Variants in MAPRE2 observed in about 807,000 individuals in gnomAD.
The protein encoded by MAPRE2 is microtubule associated protein RP/EB family member 2, also known as microtubule-associated protein RP/EB family member 2.
MAPRE2 carries 13 observed loss-of-function variants against 43.2 expected under a neutral mutation model. The ratio of observed to expected loss-of-function variants is 0.30; its 90% CI spans 0.20 to 0.48. MAPRE2 has a LOEUF of 0.48. Among genes scored for constraint, MAPRE2 ranks in the 20% least tolerant of loss-of-function variants. MAPRE2 has a pLI of 0.99. For missense variants in MAPRE2, 161 were observed against 400.2 expected, an observed-to-expected ratio of 0.40 and a Z score of 5.10; for synonymous variants, 135 against 148.8, an observed-to-expected ratio of 0.91 and a Z score of 0.68.
intron 4 of MAPRE2, among the ~76,000 whole-genome samples, chr18:35,122,157 CA>C (rs1451771860): frequency 6.6e-6 from 1 of 152,102 alleles, no homozygotes; most frequent in Non-Finnish European, 1.5e-5. Flanking sequence ...ATAATGAGGA[CA>C]AAAGGTTTCA....
chr18:35,090,837 A>G (rs1908113193), intron 2 of MAPRE2, among the ~76,000 whole-genome samples: 1 of 152,198 alleles, frequency 6.6e-6, no homozygotes, highest in East Asian at 1.9e-4. Flanking sequence ...CAATTTTAAA[A>G]AACTGTTAGA....
chr18:35,127,827 A>G (rs984625849), intron 5 of MAPRE2, among the ~76,000 whole-genome samples: 2 of 152,208 alleles, frequency 1.3e-5, no homozygotes, highest in Non-Finnish European at 2.9e-5. Context: ...GGTAAAATCT[A>G]ACTAGCTCCA....
chr18:35,139,925 C>T (rs576703921), intron 6 of MAPRE2, among the ~76,000 whole-genome samples: 1 of 152,342 alleles, frequency 6.6e-6, no homozygotes, highest in East Asian at 1.9e-4. Context: ...TATATTACAG[C>T]AGCTTTACTC....
intron 2 of MAPRE2, among the ~76,000 whole-genome samples, chr18:35,085,452 G>A (rs1048269179): frequency 6.6e-6 from 1 of 152,168 alleles, no homozygotes; most frequent in African/African-American, 2.4e-5. Context: ...TAGAAAATAT[G>A]GCTATGTTAC....
At chr18:35,023,951 A>C (rs1165738851) in intron 2 of MAPRE2, among the ~76,000 whole-genome samples, 2 of 152,232 alleles carry the variant, frequency 1.3e-5, no homozygotes, top group East Asian at 3.8e-4. Flanking sequence ...ATGTACCGTA[A>C]TAAGAATATG....
intron 2 of MAPRE2, among the ~76,000 whole-genome samples, chr18:35,009,614 A>G (rs2097033454): frequency 6.6e-6 from 1 of 152,190 alleles, no homozygotes; most frequent in Non-Finnish European, 1.5e-5. Context: ...GTACTGACCA[A>G]CATTCCAATT....
At chr18:35,098,320 AG>A (rs1908519229) in intron 3 of MAPRE2, among the ~76,000 whole-genome samples, 1 of 152,216 alleles carries the variant, frequency 6.6e-6, no homozygotes, top group African/African-American at 2.4e-5. Flanking sequence ...ATTTTGAATA[AG>A]GGAAAAGAGA....
At position 35,102,104 on chromosome 18, in the gene MAPRE2, T is replaced by C. The variant is rs111906099; in HGVS notation, c.555T>C (p.Gly185=). ...ATGCAATTCCTCCTCCTGACCCTGGTGAACAGATCTTCAACCTGCCAAAAA... is the reference window on the plus strand; with the variant it reads ...ATGCAATTCCTCCTCCTGACCCTGGCGAACAGATCTTCAACCTGCCAAAAA... ...GQDAIPPPDP[G]EQIFNLPKKS... Residue 185 remains glycine (G), a synonymous_variant, in exon 4 of 7, where the codon GGT becomes GGC. Coordinates refer to ENST00000300249, the MANE Select transcript of MAPRE2 (RefSeq NM_014268.4). The C allele has an allele frequency of 3.2e-4, 513 of 1,612,388 alleles. 3 individuals are homozygous for C. Among genetic ancestry groups the C allele is most frequent in the African/African-American group, 2.3e-3 (169 of 74,910 alleles).
intron 1 of MAPRE2, 21 bp downstream of exon 1, chr18:35,041,682 G>T (rs371956869): frequency 6.2e-7 from 1 of 1,614,012 alleles, no homozygotes. Flanking sequence ...TGGCACGAGA[G>T]CAGCGCCGGG....
chr18:35,031,327 C>T (rs772606270), intron 2 of MAPRE2, among the ~76,000 whole-genome samples: 1 of 152,154 alleles, frequency 6.6e-6, no homozygotes, highest in African/African-American at 2.4e-5. Context: ...CTTAATGAAG[C>T]TTTTCTAGTG....
At chr18:35,018,270 CT>C (rs1006631797) in intron 2 of MAPRE2, among the ~76,000 whole-genome samples, 13 of 151,724 alleles carry the variant, frequency 8.6e-5, no homozygotes, top group Non-Finnish European at 1.5e-4. Context: ...ATGTAGTTTT[CT>C]TTTTTTGTTG....
intron 1 of MAPRE2, among the ~76,000 whole-genome samples, chr18:34,998,446 C>T (rs1348927323): frequency 6.6e-6 from 1 of 151,704 alleles, no homozygotes; most frequent in East Asian, 1.9e-4. Flanking sequence ...CCTGCCTCAG[C>T]CTCCCAAGTA....
chr18:35,063,523 A>G (rs1906666583), intron 1 of MAPRE2, among the ~76,000 whole-genome samples: 1 of 152,096 alleles, frequency 6.6e-6, no homozygotes, highest in Non-Finnish European at 1.5e-5. Flanking sequence ...CTTAAATCCA[A>G]AAGGCCCTTT....
At chr18:35,103,868 C>T (rs973105724) in intron 4 of MAPRE2, among the ~76,000 whole-genome samples, 10 of 152,168 alleles carry the variant, frequency 6.6e-5, no homozygotes, top group East Asian at 5.8e-4. Context: ...ATGATTTCTC[C>T]GTTCAGTAGA....
chr18:35,055,537 CTGTGTGTGTGTGTGTG>C (rs34194364), intron 1 of MAPRE2, among the ~76,000 whole-genome samples: 1 of 146,594 alleles, frequency 6.8e-6, no homozygotes, highest in Non-Finnish European at 1.5e-5. Context: ...ATTCAGTTCT[CTGTGTGTGTGTGTGTG>C]TGTGTGTGTG....
At chr18:35,080,718 C>T (rs1011724583) in intron 2 of MAPRE2, among the ~76,000 whole-genome samples, 12 of 152,138 alleles carry the variant, frequency 7.9e-5, no homozygotes, top group African/African-American at 2.4e-4. Context: ...TCAGAAATCA[C>T]TGTCAAATGT....
chr18:35,095,247 G>T (rs959995798), intron 2 of MAPRE2, among the ~76,000 whole-genome samples: 11 of 152,068 alleles, frequency 7.2e-5, no homozygotes, highest in African/African-American at 2.7e-4. Context: ...AATATTGATA[G>T]AGCATATTAA....
At chr18:34,997,802 G>A (rs1195062154) in intron 1 of MAPRE2, among the ~76,000 whole-genome samples, 3 of 152,226 alleles carry the variant, frequency 2.0e-5, no homozygotes, top group Non-Finnish European at 4.4e-5. Context: ...GGCTACAAGA[G>A]TGAGACTCCG....
At chr18:35,137,260 T>TC (rs1292718535) in intron 6 of MAPRE2, among the ~76,000 whole-genome samples, 15 of 152,098 alleles carry the variant, frequency 9.9e-5, no homozygotes, top group Admixed American at 9.2e-4. Context: ...CACAGAGGGG[T>TC]CCTGTGACTG....
Sources: allele counts gnomAD v4.1 joint callset (sites outside exome capture counted in the v4.1 genomes callset), GRCh38; gene constraint gnomAD v4.1.1; transcripts MANE v1.5; gene names NCBI Gene and HGNC (gene_info 2026-07-23, HGNC 2026-07-21).